Variants in TOM1L2 observed in about 807,000 individuals in gnomAD.
TOM1L2 encodes the protein TOM1-like protein 2.
In TOM1L2, 31 loss-of-function variants were observed where a neutral mutation model predicts 67.9. That is an observed-to-expected ratio of 0.46 (90% CI 0.34 to 0.62). The LOEUF is 0.62. Among genes scored for constraint, TOM1L2 ranks in the 20% least tolerant of loss-of-function variants. The pLI, the probability that TOM1L2 is intolerant of heterozygous loss-of-function variation, is 0.01. For missense variants in TOM1L2, 606 were observed against 663.5 expected, an observed-to-expected ratio of 0.91 and a Z score of 0.95; for synonymous variants, 256 against 254.0, an observed-to-expected ratio of 1.01 and a Z score of -0.07.
rs111261278 is a variant in TOM1L2, at chr17:17,903,612, C to CA, written c.137+3834dup. ...TGGGCGACAGAGCGAGACTCCATCTCAAAAAAAAAAAAAAAAAATGTTGGG... is the reference window on the plus strand; with the variant it reads ...TGGGCGACAGAGCGAGACTCCATCTCAAAAAAAAAAAAAAAAAAATGTTGGG... On this transcript the variant is annotated intron_variant, in intron 2 of 14. Coordinates refer to ENST00000379504, the MANE Select transcript of TOM1L2 (RefSeq NM_001082968.2). Among the ~76,000 whole-genome samples the CA allele has an allele frequency of 7.7e-3, 565 of 73,344 alleles. 4 individuals carry two copies. The highest frequency in any genetic ancestry group is 0.013 in the East Asian group (26 of 2,044). The allele number at this position is 73,344 out of a possible 152,430, so 48.1% of individuals were successfully genotyped here.
At chr17:17,891,743 T>C (rs2038287269) in intron 4 of TOM1L2, among the ~76,000 whole-genome samples, 2 of 151,380 alleles carry the variant, frequency 1.3e-5, no homozygotes, top group Non-Finnish European at 2.9e-5. Context: ...GGAAGGGCTG[T>C]GGTAGAGTGG....
intron 3 of TOM1L2, among the ~76,000 whole-genome samples, chr17:17,897,411 T>C (rs934892179): frequency 6.6e-6 from 1 of 152,244 alleles, no homozygotes; most frequent in Non-Finnish European, 1.5e-5. Context: ...ACAGGTTCTC[T>C]GCTTTAAAAG....
At chr17:17,956,671 G>A (rs2041466243) in intron 1 of TOM1L2, among the ~76,000 whole-genome samples, 1 of 152,228 alleles carries the variant, frequency 6.6e-6, no homozygotes, top group South Asian at 2.1e-4. Flanking sequence ...GAGAATTCCA[G>A]CACAGCACTG....
At chr17:17,853,117 C>T (rs2036078998) in intron 12 of TOM1L2, among the ~76,000 whole-genome samples, 2 of 152,202 alleles carry the variant, frequency 1.3e-5, no homozygotes, top group Admixed American at 1.3e-4. Flanking sequence ...ATTCCTGGAA[C>T]AGGACACACC....
intron 1 of TOM1L2, among the ~76,000 whole-genome samples, chr17:17,967,733 G>A (rs1221065787): frequency 6.6e-6 from 1 of 152,042 alleles, no homozygotes; most frequent in African/African-American, 2.4e-5. Context: ...TCAGCCTCCC[G>A]AGTAGCTGGG....
chr17:17,868,630 A>G (rs2036980723), intron 8 of TOM1L2, among the ~76,000 whole-genome samples: 1 of 152,198 alleles, frequency 6.6e-6, no homozygotes, highest in African/African-American at 2.4e-5. Context: ...CCATCAGGTG[A>G]TGAGATGGGA....
At chr17:17,967,921 C>T (rs2041928759) in intron 1 of TOM1L2, among the ~76,000 whole-genome samples, 1 of 152,078 alleles carries the variant, frequency 6.6e-6, no homozygotes. Context: ...TACTCTCTCC[C>T]TAAACCATGC....
intron 1 of TOM1L2, among the ~76,000 whole-genome samples, chr17:17,932,160 T>C (rs2040361921): frequency 6.6e-6 from 1 of 152,222 alleles, no homozygotes; most frequent in Non-Finnish European, 1.5e-5. Flanking sequence ...ATGGGTGAGA[T>C]GTTCTAGTAA....
At chr17:17,856,305 G>T (rs2143610780) in intron 12 of TOM1L2, among the ~76,000 whole-genome samples, 1 of 152,396 alleles carries the variant, frequency 6.6e-6, no homozygotes, top group Middle Eastern at 3.4e-3. Context: ...GCCTGGGCCA[G>T]CACATCTCTC....
chr17:17,851,087 T>A (rs959352395), intron 12 of TOM1L2, 135 bp from the exon 13 acceptor site: 3 of 920,184 alleles, frequency 3.3e-6, no homozygotes, highest in African/African-American at 3.3e-5. Context: ...AAAACACAAT[T>A]GGCACAGCAC....
At chr17:17,954,867 C>T (rs2041363158) in intron 1 of TOM1L2, among the ~76,000 whole-genome samples, 1 of 152,168 alleles carries the variant, frequency 6.6e-6, no homozygotes, top group Admixed American at 6.5e-5. Flanking sequence ...AAACAAAAAA[C>T]TCTCACACAG....
chr17:17,951,455 C>A (rs2041204544), intron 1 of TOM1L2, among the ~76,000 whole-genome samples: 1 of 152,106 alleles, frequency 6.6e-6, no homozygotes. Flanking sequence ...CATGTGTCAC[C>A]AGTAAAATGC....
intron 1 of TOM1L2, among the ~76,000 whole-genome samples, chr17:17,953,688 C>T (rs1598401256): frequency 6.6e-6 from 1 of 152,218 alleles, no homozygotes; most frequent in Non-Finnish European, 1.5e-5. Flanking sequence ...CATGAAGACA[C>T]ATGAGTGGGG....
chr17:17,876,987 C>T (rs186123000), intron 7 of TOM1L2, among the ~76,000 whole-genome samples: 45 of 152,354 alleles, frequency 3.0e-4, no homozygotes, highest in Admixed American at 2.6e-3. Context: ...TGACGCATAG[C>T]TCAAGAGGAG....
At chr17:17,863,785 G>A (rs2036693021) in intron 10 of TOM1L2, among the ~76,000 whole-genome samples, 1 of 152,022 alleles carries the variant, frequency 6.6e-6, no homozygotes, top group Non-Finnish European at 1.5e-5. Context: ...CTGGCCTCAA[G>A]TGATCTTCCC....
intron 1 of TOM1L2, among the ~76,000 whole-genome samples, chr17:17,947,313 C>T (rs750339716): frequency 1.3e-5 from 2 of 152,164 alleles, no homozygotes; most frequent in Admixed American, 6.5e-5. Flanking sequence ...CATGAGCCAC[C>T]GTGCCCAGGC....
chr17:17,892,593 G>A (rs1301411278), intron 4 of TOM1L2, among the ~76,000 whole-genome samples: 3 of 152,046 alleles, frequency 2.0e-5, no homozygotes, highest in Non-Finnish European at 4.4e-5. Context: ...CATCCTTCTG[G>A]TCCCATCTCC....
At chr17:17,950,651 G>C (rs1161010857) in intron 1 of TOM1L2, among the ~76,000 whole-genome samples, 1 of 152,088 alleles carries the variant, frequency 6.6e-6, no homozygotes, top group Non-Finnish European at 1.5e-5. Context: ...ATCTTGCTTT[G>C]ATTTCAATGT....
chr17:17,894,018 A>T (rs896636588), intron 3 of TOM1L2, among the ~76,000 whole-genome samples: 7 of 152,208 alleles, frequency 4.6e-5, no homozygotes, highest in African/African-American at 1.7e-4. Flanking sequence ...TACTGACTGA[A>T]GTCTCCTGTC....
Sources: gnomAD v4.1 joint callset for allele counts (sites outside exome capture counted in the v4.1 genomes callset) on GRCh38, gnomAD v4.1.1 for gene constraint, MANE v1.5 for transcripts, NCBI Gene and HGNC (gene_info 2026-07-23, HGNC 2026-07-21) for gene names.